The following GUCY1B1 variants were observed in gnomAD, a reference collection of about 807,000 sequenced individuals.
GUCY1B1 encodes guanylate cyclase soluble subunit beta-1.
Under a neutral mutation model 71.0 loss-of-function variants are expected in GUCY1B1, and 43 were observed. The observed-to-expected ratio is 0.61, with a 90% CI of 0.47 to 0.78. GUCY1B1 has a LOEUF of 0.78. Among genes scored for constraint, GUCY1B1 ranks in the 30% least tolerant of loss-of-function variants. The pLI is 0.00. For missense variants in GUCY1B1, 535 were observed against 754.1 expected, an observed-to-expected ratio of 0.71 and a Z score of 3.40; for synonymous variants, 266 against 259.7, an observed-to-expected ratio of 1.02 and a Z score of -0.23.
At position 155,803,615 on chromosome 4, in the gene GUCY1B1, T is replaced by C. The variant is rs758168686; in HGVS notation, c.1414-9T>C. 4 of 1,525,408 alleles carry C rather than the reference T, an allele frequency of 2.6e-6. No homozygotes were observed. Among genetic ancestry groups the C allele is most frequent in the Non-Finnish European group, 2.6e-6 (3 of 1,134,242 alleles). The allele number at this position is 1,525,408 out of a possible 1,614,324, so 94.5% of individuals were successfully genotyped here. ...CTAACCGTGAACATCTAAATATATG[T>C]ACTGTTAGGTGGAGACTGTTGGTGA... On this transcript the variant is annotated splice_polypyrimidine_tract_variant and intron_variant, in intron 10 of 13. Coordinates refer to ENST00000264424, the MANE Select transcript of GUCY1B1 (RefSeq NM_000857.5).
At chr4:155,784,439 T>A (rs973630150) in intron 4 of GUCY1B1, among the ~76,000 whole-genome samples, 1 of 152,182 alleles carries the variant, frequency 6.6e-6, no homozygotes, top group Non-Finnish European at 1.5e-5. Context: ...ATCTTCAAAT[T>A]CCAAAATGAC....
chr4:155,795,092 C>T (rs761499332), intron 6 of GUCY1B1, among the ~76,000 whole-genome samples: 1 of 152,036 alleles, frequency 6.6e-6, no homozygotes, highest in Non-Finnish European at 1.5e-5. Context: ...TGCTAGCTTA[C>T]ATTTGAATAT....
chr4:155,777,185 T>C (rs1193543153), intron 3 of GUCY1B1, among the ~76,000 whole-genome samples: 1 of 152,232 alleles, frequency 6.6e-6, no homozygotes, highest in Non-Finnish European at 1.5e-5. Flanking sequence ...AATTTTCCAC[T>C]TGTAGTGTCA....
intron 3 of GUCY1B1, among the ~76,000 whole-genome samples, chr4:155,777,041 G>T (rs777487654): frequency 3.3e-4 from 50 of 152,060 alleles, no homozygotes; most frequent in Admixed American, 7.9e-4. Context: ...GATTCAAGTC[G>T]AAACATAAAA....
intron 4 of GUCY1B1, among the ~76,000 whole-genome samples, chr4:155,778,727 G>T (rs1026951682): frequency 1.3e-5 from 2 of 152,138 alleles, no homozygotes; most frequent in African/African-American, 4.8e-5. Context: ...GCTGCCAAGA[G>T]ATATTTAAAT....
chr4:155,777,434 ATTACT>A (rs1738130670), intron 3 of GUCY1B1, 85 bp from the exon 4 acceptor site: 4 of 743,374 alleles, frequency 5.4e-6, no homozygotes, highest in Non-Finnish European at 9.5e-6. Flanking sequence ...GACATTTTAC[ATTACT>A]TAATAAACAC....
intron 4 of GUCY1B1, among the ~76,000 whole-genome samples, chr4:155,780,564 A>G (rs1320705144): frequency 3.3e-5 from 5 of 152,228 alleles, no homozygotes; most frequent in African/African-American, 1.2e-4. Context: ...TAATCTCTTA[A>G]TGTTTGTACC....
In GUCY1B1 at chr4:155,805,148, G is replaced by A. The variant is rs757955451; in HGVS notation, c.1755G>A (p.Glu585=). The A allele has an allele frequency of 1.2e-6, 2 of 1,611,736 alleles. No individual in the cohort carries two copies. Among genetic ancestry groups the A allele is most frequent in the South Asian group, 2.2e-5 (2 of 91,000 alleles). The change falls in exon 13 of 14, where the codon GAG becomes GAA. Residue 585 remains glutamate (E), a synonymous_variant. Transcript: ENST00000264424. ...ATTCAGATCCACAATTCCACTTGGA[G>A]CACAGAGGCCCAGTGTCCATGAAGG... is the stretch of plus-strand genomic sequence containing the variant. The part of the protein sequence containing the change: ...PENSDPQFHL[E]HRGPVSMKGK...
intron 13 of GUCY1B1, 150 bp downstream of exon 13, chr4:155,805,379 T>A: frequency 1.5e-6 from 1 of 664,426 alleles, no homozygotes; most frequent in Non-Finnish European, 2.5e-6. Context: ...TAATTGAACA[T>A]TAATGAGCCA....
chr4:155,802,572 T>A lies in GUCY1B1; in HGVS notation c.1406T>A (p.Val469Asp). Residue 469 changes from valine to aspartate, a missense_variant, in exon 10 of 14, where the codon GTT becomes GAT. Transcript: ENST00000264424. The surrounding 1 kb of genome is among the most constrained non-coding windows in gnomAD (Gnocchi z 4.3). ...ACTGATTCCCGGAAAAACCCATTTG[T>A]TTATAAGGCAAGTGTTCTTTATCGC... ...TLTDSRKNPF[V>D]YKVETVGDKY... 9 of 1,591,858 alleles carry A rather than the reference T, an allele frequency of 5.7e-6. No individual in the cohort carries two copies. Among genetic ancestry groups the A allele is most frequent in the Non-Finnish European group, 7.7e-6 (9 of 1,169,476 alleles).
In GUCY1B1 at chr4:155,793,845, T is replaced by C; in HGVS notation, c.496-11T>C. 1 of 1,186,974 alleles carries C rather than the reference T, an allele frequency of 8.4e-7. No individual in the cohort carries two copies. The highest frequency in any genetic ancestry group is 1.3e-6 in the Non-Finnish European group (1 of 792,456). The allele number at this position is 1,186,974 out of a possible 1,614,324, so 73.5% of individuals were successfully genotyped here. A position where few individuals can be genotyped will look rare whatever the true frequency, so the allele number is the denominator to read the frequency against. On this transcript the variant is annotated splice_polypyrimidine_tract_variant and intron_variant, in intron 5 of 13. Coordinates refer to ENST00000264424, the MANE Select transcript of GUCY1B1 (RefSeq NM_000857.5). ...AAGACAATTCATGCCATTTCCCCCT[T>C]TGATATCCAGGTTATTCAGCAAAGA...
chr4:155,766,940 C>T (rs1737374448), intron 2 of GUCY1B1, among the ~76,000 whole-genome samples: 1 of 152,134 alleles, frequency 6.6e-6, no homozygotes. Context: ...CAGTCACAGT[C>T]CTAGATGCTT....
At chr4:155,791,281 A>AT (rs1440775477) in intron 5 of GUCY1B1, among the ~76,000 whole-genome samples, 12 of 150,510 alleles carry the variant, frequency 8.0e-5, no homozygotes, top group South Asian at 2.1e-4. Flanking sequence ...CGCCCGGCTA[A>AT]TTTTTTTGTA....
Position 155,789,793 on chromosome 4 carries a change from A to T in GUCY1B1, c.377A>T (p.Glu126Val). ...CCTTCCTTTAGGTGCACTGATGCAGAAAAGGGCAAAGGACTCATTTTGCAC... is the reference window on the plus strand; with the variant it reads ...CCTTCCTTTAGGTGCACTGATGCAGTAAAGGGCAAAGGACTCATTTTGCAC... ...RAPSFRCTDA[E>V]KGKGLILHYY... The change falls in exon 5 of 14, where the codon GAA (glutamate) becomes GTA (valine). Residue 126 changes from glutamate to valine, a missense_variant. Transcript: ENST00000264424. 6.2e-7 allele frequency: 1 copy of T among 1,608,892 alleles called. No individual in the cohort carries two copies. The highest frequency in any genetic ancestry group is 8.5e-7 in the Non-Finnish European group (1 of 1,175,282).
intron 4 of GUCY1B1, among the ~76,000 whole-genome samples, chr4:155,782,659 C>A (rs1227794825): frequency 1.3e-5 from 2 of 152,184 alleles, no homozygotes; most frequent in Non-Finnish European, 2.9e-5. Context: ...GTAAAATTCT[C>A]TTTTCCTTGA....
chr4:155,772,331 G>C lies in GUCY1B1; in HGVS notation c.78-2637G>C, dbSNP rs74973591. 8.0e-3 allele frequency among the ~76,000 whole-genome samples: 1,219 copies of C among 152,252 alleles called. 17 individuals are homozygous for C. Among genetic ancestry groups the C allele is most frequent in the African/African-American group, 0.028 (1,161 of 41,538 alleles). ...CTTTAACTGCTTAGAATATACTTTT[G>C]TACACTTTATCTCTTTACTGTTGTG... On this transcript the variant is annotated intron_variant, in intron 2 of 13. Transcript: ENST00000264424.
At chr4:155,772,834 A>T (rs1051946315) in intron 2 of GUCY1B1, 31 of 674,568 alleles carry the variant, frequency 4.6e-5, no homozygotes, top group Non-Finnish European at 7.0e-5. Context: ...ACATGCTTTT[A>T]AAAAAAAAGT....
chr4:155,801,504 C>G (rs536075982), intron 9 of GUCY1B1, among the ~76,000 whole-genome samples: 3 of 151,990 alleles, frequency 2.0e-5, no homozygotes, highest in Non-Finnish European at 4.4e-5. Flanking sequence ...AATGAAAGAC[C>G]GGAGAAATTC....
At chr4:155,777,732 AAG>A in intron 4 of GUCY1B1, 90 bp downstream of exon 4, 1 of 649,958 alleles carries the variant, frequency 1.5e-6, no homozygotes, top group East Asian at 2.6e-5. Flanking sequence ...TCAGCTGTAC[AAG>A]AGTGTCTTGC....
Sources: gnomAD v4.1 joint callset for allele counts (sites outside exome capture counted in the v4.1 genomes callset) on GRCh38, gnomAD v4.1.1 for gene constraint, Gnocchi (gnomAD v3.1) non-coding constraint, MANE v1.5 for transcripts, NCBI Gene and HGNC (gene_info 2026-07-23, HGNC 2026-07-21) for gene names.